The following CADM2 variants were observed in gnomAD, a reference collection of about 807,000 sequenced individuals.
CADM2 encodes immunoglobulin superfamily member 4D.
Under a neutral mutation model 49.8 loss-of-function variants are expected in CADM2, and 12 were observed. The ratio of observed to expected loss-of-function variants is 0.24; its 90% confidence interval spans 0.15 to 0.39. The LOEUF (loss-of-function observed/expected upper bound fraction) is 0.39, where lower values mean the gene tolerates loss of function less well. Among genes scored for constraint, CADM2 ranks in the 10% least tolerant of loss-of-function variants. The probability of loss-of-function intolerance (pLI) is 1.00; values close to 1 mark genes in which losing one functional copy is unlikely to be tolerated. For synonymous variants in CADM2, 214 were observed against 175.4 expected (o/e 1.22, Z -1.74); for missense variants, 378 against 492.3 (o/e 0.77, Z 2.20).
At chr3:85,139,043 G>A (rs184763650) in intron 1 of CADM2, among the ~76,000 whole-genome samples, 2 of 152,230 alleles carry the variant, frequency 1.3e-5, no homozygotes, top group Admixed American at 1.3e-4. Flanking sequence ...TCTGCTACTG[G>A]CATCGGTGAG....
intron 1 of CADM2, among the ~76,000 whole-genome samples, chr3:85,588,084 G>T (rs373516948): frequency 2.6e-4 from 39 of 151,946 alleles, no homozygotes; most frequent in African/African-American, 8.9e-4. Context: ...TCTTAAGAAG[G>T]GGTAATTTGT....
chr3:85,117,072 T>C (rs1217394250), intron 1 of CADM2, among the ~76,000 whole-genome samples: 1 of 151,908 alleles, frequency 6.6e-6, no homozygotes, highest in East Asian at 1.9e-4. Flanking sequence ...AATACAGAAA[T>C]TAGCCAGGTA....
chr3:85,433,264 C>T (rs954957378), intron 1 of CADM2, among the ~76,000 whole-genome samples: 2 of 151,904 alleles, frequency 1.3e-5, no homozygotes, highest in Admixed American at 1.3e-4. Flanking sequence ...TATCAAATGA[C>T]CTGCATAAAT....
chr3:85,581,007 A>G (rs1055620354), intron 1 of CADM2, among the ~76,000 whole-genome samples: 2 of 152,068 alleles, frequency 1.3e-5, no homozygotes, highest in South Asian at 4.1e-4. Flanking sequence ...GAAGTCTAGT[A>G]TGACGTTTGG....
At chr3:85,754,037 G>T (rs2068983965) in intron 2 of CADM2, among the ~76,000 whole-genome samples, 2 of 152,154 alleles carry the variant, frequency 1.3e-5, no homozygotes, top group African/African-American at 2.4e-5. Context: ...GTCTGCATAC[G>T]CAGTGGCCTG....
intron 1 of CADM2, among the ~76,000 whole-genome samples, chr3:85,706,713 T>A (rs1250504691): frequency 2.6e-5 from 4 of 152,150 alleles, no homozygotes; most frequent in Non-Finnish European, 5.9e-5. Context: ...TATAAGTTGG[T>A]AGAAGGAGAG....
At chr3:85,461,334 A>G (rs2038235144) in intron 1 of CADM2, among the ~76,000 whole-genome samples, 1 of 152,130 alleles carries the variant, frequency 6.6e-6, no homozygotes, top group Non-Finnish European at 1.5e-5. Flanking sequence ...ACAAGCAGAT[A>G]TGATATTAGG....
chr3:85,064,314 A>G (rs2107454252), intron 1 of CADM2, among the ~76,000 whole-genome samples: 1 of 152,128 alleles, frequency 6.6e-6, no homozygotes, highest in South Asian at 2.1e-4. Context: ...ATATTCTAAA[A>G]CTGGACCATT....
chr3:85,983,794 CCTAT>C (rs58036401), intron 8 of CADM2, among the ~76,000 whole-genome samples: 53,113 of 150,006 alleles, frequency 0.35, 10,002 homozygotes, highest in East Asian at 0.51. Flanking sequence ...TGTCTATCTA[CCTAT>C]CTATCTATCT....
At position 85,960,531 on chromosome 3, in the gene CADM2, T is replaced by G. The variant is rs529530541; in HGVS notation, c.792-938T>G. 5.3e-5 allele frequency among the ~76,000 whole-genome samples: 8 copies of G among 152,066 alleles called. No individual in the cohort carries two copies. The South Asian group carries it at 1.7e-3, about 31-fold the overall frequency. ...TACTTCTCTCATCTATATTCTTATA[T>G]GCAGCACATTTTAAAAAGTGATATT... On this transcript the variant is annotated intron_variant, in intron 7 of 9. Transcript: ENST00000383699.
intron 1 of CADM2, among the ~76,000 whole-genome samples, chr3:84,975,683 C>T (rs1317829311): frequency 6.6e-6 from 1 of 151,774 alleles, no homozygotes; most frequent in Non-Finnish European, 1.5e-5. Flanking sequence ...TAATAGGAAA[C>T]TCAACATTAT....
chr3:85,538,471 C>A (rs185727274), intron 1 of CADM2, among the ~76,000 whole-genome samples: 1 of 152,018 alleles, frequency 6.6e-6, no homozygotes, highest in Non-Finnish European at 1.5e-5. Context: ...CTTTCCACTT[C>A]GCCACAGCTG....
intron 1 of CADM2, among the ~76,000 whole-genome samples, chr3:85,249,157 T>C (rs1220486795): frequency 1.3e-5 from 2 of 152,078 alleles, no homozygotes; most frequent in Admixed American, 1.3e-4. Context: ...GATTGCAACC[T>C]AATATTTTCA....
intron 1 of CADM2, among the ~76,000 whole-genome samples, chr3:85,074,227 T>G (rs1454538355): frequency 2.0e-5 from 3 of 152,090 alleles, no homozygotes; most frequent in African/African-American, 7.2e-5. Flanking sequence ...TTAGAGCCTT[T>G]GTACTATTTC....
At chr3:85,675,538 T>A (rs183357694) in intron 1 of CADM2, among the ~76,000 whole-genome samples, 23 of 152,312 alleles carry the variant, frequency 1.5e-4, no homozygotes, top group Admixed American at 1.4e-3. Context: ...GGTACTGTGA[T>A]GTGTCTTCTG....
At chr3:85,208,283 T>G (rs1447008322) in intron 1 of CADM2, among the ~76,000 whole-genome samples, 1 of 152,186 alleles carries the variant, frequency 6.6e-6, no homozygotes, top group African/African-American at 2.4e-5. Flanking sequence ...CACCCTTTTA[T>G]GTAACGTTAC....
At chr3:84,970,831 T>C (rs1348090784) in intron 1 of CADM2, among the ~76,000 whole-genome samples, 1 of 152,078 alleles carries the variant, frequency 6.6e-6, no homozygotes, top group Non-Finnish European at 1.5e-5. Flanking sequence ...GGCTTCTGTT[T>C]GGCCCCTGCT....
chr3:85,947,818 A>G (rs1722928289), intron 7 of CADM2, among the ~76,000 whole-genome samples: 1 of 151,550 alleles, frequency 6.6e-6, no homozygotes, highest in Non-Finnish European at 1.5e-5. Flanking sequence ...TTTCAATTAA[A>G]TGTTCCAATG....
intron 1 of CADM2, among the ~76,000 whole-genome samples, chr3:85,368,065 G>T (rs1382106457): frequency 6.6e-6 from 1 of 151,876 alleles, no homozygotes; most frequent in East Asian, 1.9e-4. Flanking sequence ...AATTAATTTT[G>T]GTACTTTTTA....
Sources: gnomAD v4.1 joint callset for allele counts (sites outside exome capture counted in the v4.1 genomes callset) on GRCh38, gnomAD v4.1.1 for gene constraint, MANE v1.5 for transcripts, NCBI Gene and HGNC (gene_info 2026-07-23, HGNC 2026-07-21) for gene names.